Variants in SBF2 observed in about 807,000 individuals in gnomAD.
SBF2 encodes the protein myotubularin-related protein 13.
In SBF2, 112 loss-of-function variants were observed where a neutral mutation model predicts 225.2. That is an observed-to-expected ratio of 0.50 (90% confidence interval 0.43 to 0.58). SBF2 has a LOEUF of 0.58. Among genes scored for constraint, SBF2 ranks in the 20% least tolerant of loss-of-function variants. The probability of loss-of-function intolerance (pLI) is 0.00; values close to 1 mark genes in which losing one functional copy is unlikely to be tolerated. For synonymous variants in SBF2, 763 were observed against 773.3 expected, an observed-to-expected ratio of 0.99 and a Z score of 0.22; for missense variants, 1,996 against 2,206.2, an observed-to-expected ratio of 0.90 and a Z score of 1.91.
chr11:10,155,478 T>C (rs1223906957), intron 2 of SBF2, among the ~76,000 whole-genome samples: 2 of 152,178 alleles, frequency 1.3e-5, no homozygotes, highest in Non-Finnish European at 2.9e-5. Flanking sequence ...ATTTATTTGT[T>C]TTTTTAAAGG....
intron 16 of SBF2, among the ~76,000 whole-genome samples, chr11:9,948,172 A>C (rs1865670589): frequency 6.6e-6 from 1 of 151,736 alleles, no homozygotes; most frequent in Non-Finnish European, 1.5e-5. Context: ...AAAAGAACAA[A>C]TACTGTATGA....
At position 9,968,368 on chromosome 11, in the gene SBF2, A is replaced by G. The variant is rs746860317; in HGVS notation, c.1573T>C (p.Cys525Arg). 11 of 1,613,948 alleles carry G rather than the reference A, an allele frequency of 6.8e-6. No homozygotes were observed. Among genetic ancestry groups the G allele is most frequent in the Non-Finnish European group, 8.5e-6 (10 of 1,180,004 alleles). Residue 525 changes from cysteine to arginine, a missense_variant, in exon 14 of 40, where the codon TGT becomes CGT. Physicochemically the swap from Cys to Arg is radical, Grantham distance 180. Coordinates refer to ENST00000256190, the MANE Select transcript of SBF2 (RefSeq NM_030962.4). ...APPATRIEKK[C>R]VVPAGPPVVS... ...ACAGGTGGACCTGCTGGCACAACACATTTCTTTTCTATTCGTGTGGCAGGA... is the reference window on the plus strand; with the variant it reads ...ACAGGTGGACCTGCTGGCACAACACGTTTCTTTTCTATTCGTGTGGCAGGA...
At chr11:9,886,292 A>C (rs1034710320) in intron 17 of SBF2, among the ~76,000 whole-genome samples, 1 of 152,146 alleles carries the variant, frequency 6.6e-6, no homozygotes, top group Non-Finnish European at 1.5e-5. Flanking sequence ...TGATCTTCAC[A>C]TGATTCTCCT....
chr11:10,299,513 G>T (rs1427228400), intron 1 of SBF2, among the ~76,000 whole-genome samples: 1 of 152,162 alleles, frequency 6.6e-6, no homozygotes, highest in Non-Finnish European at 1.5e-5. Context: ...TTGATGAGCA[G>T]GACTGGCTAC....
At chr11:9,827,117 C>T (rs1475112561) in intron 28 of SBF2, among the ~76,000 whole-genome samples, 2 of 152,076 alleles carry the variant, frequency 1.3e-5, no homozygotes, top group Admixed American at 6.5e-5. Flanking sequence ...GGATTATAGG[C>T]GTGAGCCACC....
intron 2 of SBF2, among the ~76,000 whole-genome samples, chr11:10,124,189 T>C (rs1160021649): frequency 6.6e-6 from 1 of 152,256 alleles, no homozygotes; most frequent in Non-Finnish European, 1.5e-5. Context: ...TTAGTTTTAC[T>C]ATTAAGTTCT....
At chr11:9,884,716 C>T (rs896709058) in intron 17 of SBF2, among the ~76,000 whole-genome samples, 4 of 152,214 alleles carry the variant, frequency 2.6e-5, no homozygotes, top group Non-Finnish European at 5.9e-5. Flanking sequence ...CTGCTCAAGT[C>T]TTATGGGAGG....
intron 17 of SBF2, among the ~76,000 whole-genome samples, chr11:9,868,337 C>CAAAAAA (rs35348349): frequency 1.1e-3 from 30 of 26,372 alleles, no homozygotes; most frequent in South Asian, 2.5e-3. Context: ...TACAAAAATA[C>CAAAAAA]AAAAAAAAAA....
intron 17 of SBF2, among the ~76,000 whole-genome samples, chr11:9,877,917 T>C (rs1859406805): frequency 6.6e-6 from 1 of 152,366 alleles, no homozygotes; most frequent in South Asian, 2.1e-4. Flanking sequence ...TACCCAGTAA[T>C]GGGATCACTG....
At chr11:10,039,650 T>C (rs190055474) in intron 3 of SBF2, among the ~76,000 whole-genome samples, 5 of 152,046 alleles carry the variant, frequency 3.3e-5, no homozygotes, top group Admixed American at 2.6e-4. Flanking sequence ...TCTTGACATA[T>C]GGATTCAAAC....
intron 17 of SBF2, among the ~76,000 whole-genome samples, chr11:9,861,832 C>T (rs1042299171): frequency 6.6e-6 from 1 of 152,150 alleles, no homozygotes; most frequent in Non-Finnish European, 1.5e-5. Context: ...TATACTCAAC[C>T]TGTATCTTCA....
At chr11:9,880,595 C>T (rs1859680274) in intron 17 of SBF2, among the ~76,000 whole-genome samples, 1 of 152,166 alleles carries the variant, frequency 6.6e-6, no homozygotes, top group Non-Finnish European at 1.5e-5. Context: ...ACTAAGTGGC[C>T]TCTGTTGCTC....
At chr11:9,961,179 T>C (rs1362019377) in intron 16 of SBF2, 1 of 152,210 alleles carries the variant, frequency 6.6e-6, no homozygotes, top group Admixed American at 6.5e-5. Flanking sequence ...CATTTTCTCA[T>C]TTATTTAGGC....
chr11:10,025,363 A>G (rs1219599693), intron 6 of SBF2, among the ~76,000 whole-genome samples: 2 of 152,184 alleles, frequency 1.3e-5, no homozygotes, highest in Non-Finnish European at 2.9e-5. Flanking sequence ...GTCTCAACTC[A>G]AATTATGAGA....
intron 1 of SBF2, among the ~76,000 whole-genome samples, chr11:10,273,589 T>C (rs887386557): frequency 6.6e-6 from 1 of 152,236 alleles, no homozygotes; most frequent in East Asian, 1.9e-4. Flanking sequence ...TTGTCAATGC[T>C]AGGACCATGG....
intron 2 of SBF2, among the ~76,000 whole-genome samples, chr11:10,079,585 A>G (rs1951277214): frequency 6.6e-6 from 1 of 152,206 alleles, no homozygotes; most frequent in South Asian, 2.1e-4. Flanking sequence ...AAAGCATTTG[A>G]GAAGTATGGA....
At position 10,156,009 on chromosome 11, in the gene SBF2, C is replaced by T. The variant is rs534933206; in HGVS notation, c.141+37893G>A. Among the ~76,000 whole-genome samples the T allele has an allele frequency of 1.8e-4, 27 of 152,312 alleles. No homozygotes were observed. In the South Asian group the frequency reaches 4.4e-3, roughly 25 times the overall value. On this transcript the variant is annotated intron_variant, in intron 2 of 39. Coordinates refer to ENST00000256190, the MANE Select transcript of SBF2 (RefSeq NM_030962.4). ...GGGAGCCCCGCCCCCTACCAAGTCC[C>T]GTGCTACCAGGCACAGCTGCAGCCG...
intron 1 of SBF2, among the ~76,000 whole-genome samples, chr11:10,212,331 G>T (rs555239222): frequency 2.6e-5 from 4 of 152,248 alleles, no homozygotes; most frequent in African/African-American, 9.6e-5. Flanking sequence ...GTCCTGAGTC[G>T]CTGGGAATTA....
At chr11:10,240,666 T>G (rs1314258998) in intron 1 of SBF2, among the ~76,000 whole-genome samples, 2 of 152,190 alleles carry the variant, frequency 1.3e-5, no homozygotes, top group Non-Finnish European at 2.9e-5. Context: ...ATTGGAGCAG[T>G]AGAATTATAT....
Sources: gnomAD v4.1 joint callset for allele counts (sites outside exome capture counted in the v4.1 genomes callset) on GRCh38, gnomAD v4.1.1 for gene constraint, MANE v1.5 for transcripts, NCBI Gene and HGNC (gene_info 2026-07-23, HGNC 2026-07-21) for gene names.